The following RPH3A variants were observed in gnomAD, a reference collection of about 807,000 sequenced individuals.
RPH3A encodes the protein rabphilin 3A, also known as rabphilin-3A.
A neutral mutation model predicts 102.2 loss-of-function variants in RPH3A; 48 were observed. The observed-to-expected ratio is 0.47, with a 90% CI of 0.37 to 0.60. The LOEUF (loss-of-function observed/expected upper bound fraction) is 0.60, where lower values mean the gene tolerates loss of function less well. Among genes scored for constraint, RPH3A ranks in the 20% least tolerant of loss-of-function variants. The probability of loss-of-function intolerance (pLI) is 0.00; values close to 1 mark genes in which losing one functional copy is unlikely to be tolerated. For missense variants in RPH3A, 781 were observed against 910.1 expected, an observed-to-expected ratio of 0.86 and a Z score of 1.83; for synonymous variants, 310 against 324.3, an observed-to-expected ratio of 0.96 and a Z score of 0.47.
At chr12:112,710,433 G>A (rs182629383) in intron 1 of RPH3A, among the ~76,000 whole-genome samples, 1 of 152,324 alleles carries the variant, frequency 6.6e-6, no homozygotes, top group Admixed American at 6.5e-5. Context: ...GCTTTCAGGA[G>A]GAGAGAAGTC....
At chr12:112,587,128 A>G (rs1390577639) in intron 1 of RPH3A, among the ~76,000 whole-genome samples, 2 of 152,250 alleles carry the variant, frequency 1.3e-5, no homozygotes, top group East Asian at 1.9e-4. Flanking sequence ...AATCATCTCC[A>G]CTGAGTTTGA....
intron 1 of RPH3A, among the ~76,000 whole-genome samples, chr12:112,776,302 C>CA (rs1458446927): frequency 6.6e-6 from 1 of 152,156 alleles, no homozygotes; most frequent in Non-Finnish European, 1.5e-5. Flanking sequence ...GAAACCACTA[C>CA]AAAAAACCCC....
intron 1 of RPH3A, among the ~76,000 whole-genome samples, chr12:112,674,875 T>G (rs232929): frequency 0.85 from 128,796 of 152,162 alleles, 54,655 homozygotes; most frequent in East Asian, 0.9. Context: ...CCACATTCTC[T>G]CTCAGGGGCT....
At chr12:112,695,334 G>C (rs2040342171) in intron 1 of RPH3A, among the ~76,000 whole-genome samples, 1 of 152,048 alleles carries the variant, frequency 6.6e-6, no homozygotes, top group Non-Finnish European at 1.5e-5. Context: ...AACTTCATTT[G>C]GAAAGGTTAA....
At chr12:112,607,257 C>G (rs894995903) in intron 1 of RPH3A, among the ~76,000 whole-genome samples, 3 of 152,182 alleles carry the variant, frequency 2.0e-5, no homozygotes. Context: ...GAACAATTCA[C>G]CATCCTCAGA....
intron 1 of RPH3A, among the ~76,000 whole-genome samples, chr12:112,686,055 C>T (rs866166754): frequency 6.6e-6 from 1 of 152,092 alleles, no homozygotes; most frequent in Non-Finnish European, 1.5e-5. Context: ...CCAATGACTC[C>T]CTCGTTCTCC....
At chr12:112,775,232 A>G (rs1210816667) in intron 1 of RPH3A, among the ~76,000 whole-genome samples, 1 of 152,224 alleles carries the variant, frequency 6.6e-6, no homozygotes, top group Admixed American at 6.5e-5. Flanking sequence ...CAAAAAATCA[A>G]AAAAAAGTTT....
rs746491230 is a variant in RPH3A at position 112,896,809 on chromosome 12, C to A, written c.*29C>A. On this transcript the variant is annotated 3_prime_UTR_variant, in exon 22 of 22. Coordinates refer to ENST00000389385, the MANE Select transcript of RPH3A (RefSeq NM_001143854.2). Reference sequence around the variant, plus strand: ...AGTGCCCAGGTCCCCATCTCCATGTCCCGGGTCCCCCCCAGCCTGCTCTAG... The same window carrying A: ...AGTGCCCAGGTCCCCATCTCCATGTACCGGGTCCCCCCCAGCCTGCTCTAG... 8 of 1,612,366 alleles carry A rather than the reference C, an allele frequency of 5.0e-6. No individual in the cohort carries two copies. The highest frequency in any genetic ancestry group is 6.8e-6 in the Non-Finnish European group (8 of 1,179,400).
chr12:112,822,023 A>G (rs919506236), intron 2 of RPH3A, among the ~76,000 whole-genome samples: 4 of 151,114 alleles, frequency 2.6e-5, no homozygotes, highest in African/African-American at 9.7e-5. Context: ...TTCAGCCTGG[A>G]TTCTGTTCAT....
At chr12:112,739,187 A>T (rs1367997976) in intron 1 of RPH3A, among the ~76,000 whole-genome samples, 1 of 152,204 alleles carries the variant, frequency 6.6e-6, no homozygotes, top group Non-Finnish European at 1.5e-5. Flanking sequence ...CCCAGCTTGT[A>T]AGTGAAGTGA....
At chr12:112,672,025 A>AATATATATAT (rs1008358942) in intron 1 of RPH3A, among the ~76,000 whole-genome samples, 3 of 150,198 alleles carry the variant, frequency 2.0e-5, no homozygotes, top group Non-Finnish European at 4.4e-5. Context: ...TAGTGACTTA[A>AATATATATAT]ATATATATAT....
At chr12:112,714,470 G>C (rs1291579930) in intron 1 of RPH3A, among the ~76,000 whole-genome samples, 1 of 152,166 alleles carries the variant, frequency 6.6e-6, no homozygotes, top group African/African-American at 2.4e-5. Context: ...GAACAGAAGA[G>C]GCAAAGCCTT....
At chr12:112,616,505 C>G (rs1008159342) in intron 1 of RPH3A, among the ~76,000 whole-genome samples, 3 of 152,134 alleles carry the variant, frequency 2.0e-5, no homozygotes, top group African/African-American at 7.2e-5. Context: ...GTTTTTGCAT[C>G]TTAGAAGAGA....
At chr12:112,687,577 C>T (rs1465230891) in intron 1 of RPH3A, among the ~76,000 whole-genome samples, 2 of 152,202 alleles carry the variant, frequency 1.3e-5, no homozygotes, top group Admixed American at 6.5e-5. Context: ...GTACTGTCTA[C>T]CACGTGTGCT....
chr12:112,759,114 C>T (rs1222231946), intron 1 of RPH3A, among the ~76,000 whole-genome samples: 1 of 152,102 alleles, frequency 6.6e-6, no homozygotes, highest in African/African-American at 2.4e-5. Flanking sequence ...TGATTGCGGT[C>T]ACTGCCTTAG....
chr12:112,807,033 G>C (rs1477297611), intron 2 of RPH3A, among the ~76,000 whole-genome samples: 1 of 152,096 alleles, frequency 6.6e-6, no homozygotes. Context: ...TAGCAGTGCA[G>C]GATCTGAAAG....
intron 1 of RPH3A, among the ~76,000 whole-genome samples, chr12:112,668,752 C>T (rs1427665006): frequency 6.6e-6 from 1 of 152,022 alleles, no homozygotes; most frequent in Non-Finnish European, 1.5e-5. Flanking sequence ...TGCAACAAAC[C>T]ACCATGGCAC....
At chr12:112,649,500 A>T (rs2039958356) in intron 1 of RPH3A, 1 of 152,156 alleles carries the variant, frequency 6.6e-6, no homozygotes, top group African/African-American at 2.4e-5. Flanking sequence ...CAGTTTCCCC[A>T]TCTGTATTAA....
At chr12:112,613,053 T>C (rs1292153771) in intron 1 of RPH3A, among the ~76,000 whole-genome samples, 1 of 152,130 alleles carries the variant, frequency 6.6e-6, no homozygotes, top group Non-Finnish European at 1.5e-5. Flanking sequence ...CTACACTGGG[T>C]CTGTGTTAAG....
Sources: gnomAD v4.1 joint callset for allele counts (sites outside exome capture counted in the v4.1 genomes callset) on GRCh38, gnomAD v4.1.1 for gene constraint, MANE v1.5 for transcripts, NCBI Gene and HGNC (gene_info 2026-07-23, HGNC 2026-07-21) for gene names.